Variants in PRKCZ observed in about 807,000 individuals in gnomAD.
The protein encoded by PRKCZ is protein kinase C zeta.
A neutral mutation model predicts 79.5 loss-of-function variants in PRKCZ; 33 were observed. The observed-to-expected ratio is 0.41, with a 90% CI of 0.31 to 0.55. The LOEUF (loss-of-function observed/expected upper bound fraction) is 0.55, where lower values mean the gene tolerates loss of function less well. Among genes scored for constraint, PRKCZ ranks in the 20% least tolerant of loss-of-function variants. PRKCZ has a pLI of 0.19. For missense variants in PRKCZ, 578 were observed against 813.5 expected (o/e 0.71, Z 3.52); for synonymous variants, 342 against 320.9 (o/e 1.07, Z -0.70).
chr1:2,170,273 G>A (rs1684161662), intron 11 of PRKCZ, among the ~76,000 whole-genome samples: 1 of 152,126 alleles, frequency 6.6e-6, no homozygotes. Context: ...TGGTTCAGGA[G>A]CCTCCCCCGG....
chr1:2,144,480 G>T, intron 6 of PRKCZ, 139 bp downstream of exon 6: 1 of 1,455,218 alleles, frequency 6.9e-7, no homozygotes, highest in East Asian at 2.5e-5. Context: ...GGGCTGCAGC[G>T]TGAGACTCAG....
chr1:2,058,521 T>C (rs1370479907), intron 3 of PRKCZ, among the ~76,000 whole-genome samples: 1 of 152,146 alleles, frequency 6.6e-6, no homozygotes, highest in Non-Finnish European at 1.5e-5. Flanking sequence ...TCCTTTTTAT[T>C]GTGGTTGTGA....
chr1:2,082,278 T>C lies in PRKCZ; in HGVS notation c.334+22687T>C, dbSNP rs1010290132. 1 of 427,776 alleles carries C rather than the reference T, an allele frequency of 2.3e-6. No homozygotes were observed. Among genetic ancestry groups the C allele is most frequent in the Admixed American group, 2.6e-5 (1 of 38,826 alleles). 26.5% of individuals were successfully genotyped at this position (427,776 alleles called of 1,614,324 possible). A position where few individuals can be genotyped will look rare whatever the true frequency, so the allele number is the denominator to read the frequency against. ...GCAAGAGGGAGGCTCCGTGGCACGA[T>C]CACACGTGCAGGAGCTGGGGGCTGC... On this transcript the variant is annotated intron_variant, in intron 4 of 17. Coordinates refer to ENST00000378567, the MANE Select transcript of PRKCZ (RefSeq NM_002744.6). The surrounding 1 kb of genome is among the most constrained non-coding windows in gnomAD (Gnocchi z 4.4).
intron 16 of PRKCZ, among the ~76,000 whole-genome samples, chr1:2,176,292 T>C (rs1223531289): frequency 6.6e-6 from 1 of 152,120 alleles, no homozygotes; most frequent in Non-Finnish European, 1.5e-5. Flanking sequence ...TGCCGGACTG[T>C]AGGCTGGCGT....
chr1:2,102,236 G>A (rs1667559486), intron 4 of PRKCZ, among the ~76,000 whole-genome samples: 1 of 152,214 alleles, frequency 6.6e-6, no homozygotes, highest in African/African-American at 2.4e-5. Context: ...CAGGATGGAT[G>A]GGTGGGTAAT....
At chr1:2,057,038 CA>C (rs753911684) in intron 3 of PRKCZ, among the ~76,000 whole-genome samples, 7 of 152,176 alleles carry the variant, frequency 4.6e-5, no homozygotes, top group Non-Finnish European at 8.8e-5. Context: ...TTTTCTTTGA[CA>C]TTTTATTAAC....
At chr1:2,146,505 C>T (rs891365977) in intron 7 of PRKCZ, among the ~76,000 whole-genome samples, 2 of 152,198 alleles carry the variant, frequency 1.3e-5, no homozygotes, top group Admixed American at 6.5e-5. Context: ...GAAAGCCTGG[C>T]GAGGTGGCTG....
At chr1:2,099,539 G>A (rs895024712) in intron 4 of PRKCZ, among the ~76,000 whole-genome samples, 16 of 152,306 alleles carry the variant, frequency 1.1e-4, no homozygotes, top group African/African-American at 3.6e-4. Flanking sequence ...CCGTGGGGAG[G>A]AGTGACTTCC....
chr1:2,168,518 A>T lies in PRKCZ; in HGVS notation c.975-1000A>T, dbSNP rs894374063. 1.3e-5 allele frequency among the ~76,000 whole-genome samples: 2 copies of T among 152,156 alleles called. No individual in the cohort carries two copies. Among genetic ancestry groups the T allele is most frequent in the African/African-American group, 4.8e-5 (2 of 41,426 alleles). ...TTTCGATTTTTAGGAGTTTGTTTCC[A>T]ATCAGAAACTTCACAGATGATTTGC... On this transcript the variant is annotated intron_variant, in intron 10 of 17. Coordinates refer to ENST00000378567, the MANE Select transcript of PRKCZ (RefSeq NM_002744.6). The surrounding 1 kb of genome is among the most constrained non-coding windows in gnomAD (Gnocchi z 4.7).
chr1:2,120,690 C>T (rs1671713351), intron 4 of PRKCZ, among the ~76,000 whole-genome samples: 1 of 152,106 alleles, frequency 6.6e-6, no homozygotes, highest in South Asian at 2.1e-4. Flanking sequence ...TTCTGGGTTT[C>T]TTCTGCGTTG....
intron 10 of PRKCZ, chr1:2,156,665 A>G (rs381664): frequency 0.24 from 37,148 of 154,700 alleles, 5,023 homozygotes; most frequent in Admixed American, 0.33. Flanking sequence ...CACAGCTGGC[A>G]TACTGCACTG....
intron 1 of PRKCZ, 85 bp from the exon 2 acceptor site, chr1:2,055,356 A>G: frequency 6.8e-7 from 1 of 1,479,734 alleles, no homozygotes. Context: ...TTATCTAATC[A>G]ATGATTTGGT....
rs1225766752 is a variant in PRKCZ at position 2,144,223 on chromosome 1, G to A, written c.434G>A (p.Gly145Asp). ...AKRFNRRAYCGQCSERIWGLA... is the reference protein window; with the variant it reads ...AKRFNRRAYCDQCSERIWGLA... The stretch of plus-strand genomic sequence containing the variant: ...TCCCACCTGCAGAGAGCGTACTGCG[G>A]TCAGTGCAGCGAGAGGATATGGGGC... The change falls in exon 6 of 18, where the codon GGT becomes GAT. Residue 145 changes from glycine (G) to aspartate (D), a missense_variant. Transcript: ENST00000378567. 1.3e-6 allele frequency: 2 copies of A among 1,552,230 alleles called. No individual in the cohort carries two copies. The highest frequency in any genetic ancestry group is 1.7e-6 in the Non-Finnish European group (2 of 1,147,264).
intron 4 of PRKCZ, 67 bp downstream of exon 4, chr1:2,059,658 A>G (rs1195116699): frequency 4.4e-6 from 7 of 1,599,402 alleles, no homozygotes; most frequent in Non-Finnish European, 6.0e-6. Context: ...CCGTTGTGCC[A>G]CGGAGGTGGC....
In PRKCZ at chr1:2,127,402, C is replaced by G. The variant is rs891639541; in HGVS notation, c.335-7860C>G. 5.3e-5 allele frequency among the ~76,000 whole-genome samples: 8 copies of G among 151,526 alleles called. No individual in the cohort carries two copies. The highest frequency in any genetic ancestry group is 2.6e-4 in the Admixed American group (4 of 15,242). On this transcript the variant is annotated intron_variant, in intron 4 of 17. Coordinates refer to ENST00000378567, the MANE Select transcript of PRKCZ (RefSeq NM_002744.6). The surrounding 1 kb of genome is among the most constrained non-coding windows in gnomAD (Gnocchi z 5.1). ...GGGGCTGCACCTCCACTGCCCCCCCCACCGCCGCCCCTGCCCCACGGCCAC... is the reference window on the plus strand; with the variant it reads ...GGGGCTGCACCTCCACTGCCCCCCCGACCGCCGCCCCTGCCCCACGGCCAC...
At chr1:2,052,080 G>A (rs1193919261) in intron 1 of PRKCZ, among the ~76,000 whole-genome samples, 6 of 152,168 alleles carry the variant, frequency 3.9e-5, no homozygotes, top group African/African-American at 1.2e-4. Flanking sequence ...AGGGACCTGG[G>A]CTTCCTGTCT....
At position 2,149,024 on chromosome 1, in the gene PRKCZ, A is replaced by G. The variant is rs923527535; in HGVS notation, c.687+100A>G. 25 of 1,336,264 alleles carry G rather than the reference A, an allele frequency of 1.9e-5. No individual in the cohort carries two copies. Among genetic ancestry groups the G allele is most frequent in the Admixed American group, 5.4e-5 (3 of 55,496 alleles). The allele number at this position is 1,336,264 out of a possible 1,614,324, so 82.8% of individuals were successfully genotyped here. A position where few individuals can be genotyped will look rare whatever the true frequency, so the allele number is the denominator to read the frequency against. The stretch of plus-strand genomic sequence containing the variant: ...ACGGAAATCTAGATGTGAAATAGAC[A>G]TGGTCCGGGGTGTTGCTAACTAATC... On this transcript the variant is annotated intron_variant, in intron 8 of 17. Coordinates refer to ENST00000378567, the MANE Select transcript of PRKCZ (RefSeq NM_002744.6). The surrounding 1 kb of genome is among the most constrained non-coding windows in gnomAD (Gnocchi z 4.1).
At chr1:2,102,293 C>T (rs748490513) in intron 4 of PRKCZ, among the ~76,000 whole-genome samples, 4 of 150,266 alleles carry the variant, frequency 2.7e-5, no homozygotes, top group Non-Finnish European at 5.9e-5. Flanking sequence ...TTTGTGAAGC[C>T]TAGTACACGT....
Position 2,149,406 on chromosome 1 carries a change from A to AC in PRKCZ, c.687+483dup, listed in dbSNP as rs1400136749. Among the ~76,000 whole-genome samples, 1 of 152,206 alleles carries AC rather than the reference A, an allele frequency of 6.6e-6. No homozygotes were observed. Among genetic ancestry groups the AC allele is most frequent in the African/African-American group, 2.4e-5 (1 of 41,454 alleles). On this transcript the variant is annotated intron_variant, in intron 8 of 17. Transcript: ENST00000378567. The surrounding 1 kb of genome is among the most constrained non-coding windows in gnomAD (Gnocchi z 4.1). ...CTGCACCATAAACCCTGAGAAGGGA[A>AC]CAGAAGAGCTTGCTGCGTTCTCAGC...
Sources: gnomAD v4.1 joint callset for allele counts (sites outside exome capture counted in the v4.1 genomes callset) on GRCh38, gnomAD v4.1.1 for gene constraint, Gnocchi (gnomAD v3.1) non-coding constraint, MANE v1.5 for transcripts, NCBI Gene and HGNC (gene_info 2026-07-23, HGNC 2026-07-21) for gene names.